ALCAM: variants seen among roughly 807,000 people sequenced by gnomAD.
ALCAM encodes CD166 antigen.
ALCAM carries 30 observed loss-of-function variants against 70.9 expected under a neutral mutation model. The observed-to-expected ratio is 0.42, with a 90% CI of 0.32 to 0.57. ALCAM has a LOEUF of 0.57. Ranked by LOEUF, ALCAM falls within the 20% of genes least tolerant of loss-of-function variation. The pLI, the probability that ALCAM is intolerant of heterozygous loss-of-function variation, is 0.11. For synonymous variants in ALCAM, 249 were observed against 242.5 expected (o/e 1.03, Z -0.25); for missense variants, 591 against 695.1 (o/e 0.85, Z 1.68).
chr3:105,524,678 A>G (rs1164818213), intron 3 of ALCAM, 170 bp downstream of exon 3: 3 of 1,330,980 alleles, frequency 2.3e-6, no homozygotes, highest in Non-Finnish European at 2.9e-6. Context: ...CAAAGAAAAC[A>G]AAGAGTATGA....
chr3:105,417,550 C>T (rs1317954336), intron 1 of ALCAM, among the ~76,000 whole-genome samples: 1 of 151,706 alleles, frequency 6.6e-6, no homozygotes, highest in Non-Finnish European at 1.5e-5. Flanking sequence ...CCAGCGCGGC[C>T]ACTTGCTACC....
At chr3:105,474,743 G>A (rs1005581745) in intron 1 of ALCAM, among the ~76,000 whole-genome samples, 2 of 151,624 alleles carry the variant, frequency 1.3e-5, no homozygotes, top group African/African-American at 2.4e-5. Flanking sequence ...CATTGACAAT[G>A]AACATACTAT....
At chr3:105,572,596 C>T (rs13315918) in intron 15 of ALCAM, among the ~76,000 whole-genome samples, 12,541 of 152,160 alleles carry the variant, frequency 0.082, 659 homozygotes, top group Non-Finnish European at 0.12. Context: ...TGGCTATATA[C>T]GCAGTAATGG....
intron 1 of ALCAM, among the ~76,000 whole-genome samples, chr3:105,496,309 T>C (rs1938734205): frequency 7.1e-6 from 1 of 139,906 alleles, no homozygotes; most frequent in Non-Finnish European, 1.5e-5. Context: ...ATATTTTATA[T>C]TGTGGTCTTA....
At chr3:105,442,766 G>A (rs1324201907) in intron 1 of ALCAM, among the ~76,000 whole-genome samples, 1 of 151,926 alleles carries the variant, frequency 6.6e-6, no homozygotes, top group East Asian at 1.9e-4. Context: ...GGGTGACAGA[G>A]CGAGATTCCG....
chr3:105,419,335 T>C (rs1936586671), intron 1 of ALCAM, among the ~76,000 whole-genome samples: 1 of 151,722 alleles, frequency 6.6e-6, no homozygotes, highest in Non-Finnish European at 1.5e-5. Flanking sequence ...CATTGCTGCA[T>C]TTGAGAAAAT....
chr3:105,405,947 A>G (rs1559780494), intron 1 of ALCAM, among the ~76,000 whole-genome samples: 1 of 152,074 alleles, frequency 6.6e-6, no homozygotes, highest in African/African-American at 2.4e-5. Context: ...ACTGGGGAGG[A>G]AGAGAGTTTT....
At chr3:105,527,822 G>A (rs1400863270) in intron 3 of ALCAM, among the ~76,000 whole-genome samples, 2 of 151,750 alleles carry the variant, frequency 1.3e-5, no homozygotes, top group Non-Finnish European at 2.9e-5. Flanking sequence ...CCTCCCACTT[G>A]GATACTGTTC....
intron 3 of ALCAM, among the ~76,000 whole-genome samples, chr3:105,530,873 C>T (rs1304661882): frequency 6.6e-6 from 1 of 151,844 alleles, no homozygotes; most frequent in African/African-American, 2.4e-5. Context: ...TGTCATTTTC[C>T]CTGTTTTCTA....
intron 1 of ALCAM, among the ~76,000 whole-genome samples, chr3:105,396,413 T>C (rs1935952308): frequency 6.6e-6 from 1 of 151,888 alleles, no homozygotes; most frequent in South Asian, 2.1e-4. Context: ...AGGGCAAAAC[T>C]GAACTTGGAA....
At chr3:105,550,330 C>A in intron 12 of ALCAM, 71 bp downstream of exon 12, 1 of 1,429,472 alleles carries the variant, frequency 7.0e-7, no homozygotes, top group South Asian at 1.3e-5. Flanking sequence ...TTAAAATCTT[C>A]AATTCCATCT....
chr3:105,423,282 T>C (rs1188967644), intron 1 of ALCAM, among the ~76,000 whole-genome samples: 1 of 151,390 alleles, frequency 6.6e-6, no homozygotes, highest in Non-Finnish European at 1.5e-5. Context: ...TTTTCAGGGC[T>C]TATGAAAACA....
At position 105,556,477 on chromosome 3, in the gene ALCAM, G is replaced by A. The variant is rs150652419; in HGVS notation, c.1664+3892G>A. Among the ~76,000 whole-genome samples the A allele has an allele frequency of 1.2e-3, 187 of 151,972 alleles. 1 individual carries two copies. The highest frequency in any genetic ancestry group is 3.9e-3 in the African/African-American group (160 of 41,500). The stretch of plus-strand genomic sequence containing the variant: ...TTAGTGTGTAATATAGAAATAATCC[G>A]AAAATCTAAAAGTCAGAAATACCCT... On this transcript the variant is annotated intron_variant, in intron 14 of 15. Coordinates refer to ENST00000306107, the MANE Select transcript of ALCAM (RefSeq NM_001627.4).
In ALCAM at chr3:105,512,157, A is replaced by G. The variant is rs528736251; in HGVS notation, c.74-7910A>G. Reference sequence around the variant, plus strand: ...GTTTTGGAGTTTGGTAGTGTTATCAAAGATAGCTTTGATTTTCTCAAATCA... The same window carrying G: ...GTTTTGGAGTTTGGTAGTGTTATCAGAGATAGCTTTGATTTTCTCAAATCA... On this transcript the variant is annotated intron_variant, in intron 1 of 15. Transcript: ENST00000306107. Among the ~76,000 whole-genome samples, 6 of 152,132 alleles carry G rather than the reference A, an allele frequency of 3.9e-5. No homozygotes were observed. The South Asian group carries it at 1.2e-3, about 32-fold the overall frequency.
intron 1 of ALCAM, among the ~76,000 whole-genome samples, chr3:105,483,103 C>A (rs990972813): frequency 6.6e-6 from 1 of 152,130 alleles, no homozygotes; most frequent in Non-Finnish European, 1.5e-5. Flanking sequence ...ATTTCTTTGA[C>A]TTCCAACTTG....
At chr3:105,499,023 CA>C (rs1938845684) in intron 1 of ALCAM, among the ~76,000 whole-genome samples, 1 of 151,984 alleles carries the variant, frequency 6.6e-6, no homozygotes, top group Non-Finnish European at 1.5e-5. Context: ...TTCAGCAATA[CA>C]AAGGATATAA....
intron 1 of ALCAM, among the ~76,000 whole-genome samples, chr3:105,373,666 T>G (rs567336848): frequency 1.3e-5 from 2 of 152,342 alleles, no homozygotes; most frequent in South Asian, 4.1e-4. Context: ...CCACATTGTA[T>G]TATGATATTG....
intron 1 of ALCAM, among the ~76,000 whole-genome samples, chr3:105,392,981 T>A (rs911745713): frequency 2.6e-5 from 4 of 151,920 alleles, no homozygotes; most frequent in Non-Finnish European, 4.4e-5. Context: ...ACAAGATACA[T>A]CTTCTCACAT....
chr3:105,477,655 G>A (rs1576189468), intron 1 of ALCAM, among the ~76,000 whole-genome samples: 1 of 152,064 alleles, frequency 6.6e-6, no homozygotes, highest in East Asian at 1.9e-4. Context: ...TGGGGGAAAT[G>A]TTGGCCATTA....
Sources: gnomAD v4.1 joint callset for allele counts (sites outside exome capture counted in the v4.1 genomes callset) on GRCh38, gnomAD v4.1.1 for gene constraint, MANE v1.5 for transcripts, NCBI Gene and HGNC (gene_info 2026-07-23, HGNC 2026-07-21) for gene names.